PTPRM: variants seen among roughly 807,000 people sequenced by gnomAD.
The protein encoded by PTPRM is receptor-type tyrosine-protein phosphatase mu.
Under a neutral mutation model 186.7 loss-of-function variants are expected in PTPRM, and 47 were observed. The ratio of observed to expected loss-of-function variants is 0.25; its 90% CI spans 0.20 to 0.32. The LOEUF is 0.32. Ranked by LOEUF, PTPRM falls within the 10% of genes least tolerant of loss-of-function variation. The pLI is 1.00. For synonymous variants in PTPRM, 668 were observed against 674.9 expected (o/e 0.99, Z 0.16); for missense variants, 1,494 against 1,865.0 (o/e 0.80, Z 3.66).
At chr18:7,843,466 T>A (rs2046448364) in intron 2 of PTPRM, among the ~76,000 whole-genome samples, 1 of 152,212 alleles carries the variant, frequency 6.6e-6, no homozygotes, top group Admixed American at 6.5e-5. Context: ...GAAGGAATAT[T>A]TCTGTGCAGT....
chr18:8,200,374 T>TA lies in PTPRM; in HGVS notation c.2301-43683dup, dbSNP rs554494440. ...AACCAGGGTGGGGGCACGACCCTGC[T>TA]AGATTAGCCTGAAGGTGGGGCAAAT... On this transcript the variant is annotated intron_variant, in intron 14 of 32. Transcript: ENST00000580170. Among the ~76,000 whole-genome samples the TA allele has an allele frequency of 4.4e-3, 666 of 152,288 alleles. 4 individuals are homozygous for TA. The highest frequency in any genetic ancestry group is 0.015 in the African/African-American group (637 of 41,566).
At chr18:8,138,990 TC>T (rs1425653076) in intron 13 of PTPRM, among the ~76,000 whole-genome samples, 1 of 152,146 alleles carries the variant, frequency 6.6e-6, no homozygotes, top group Non-Finnish European at 1.5e-5. Flanking sequence ...CTTGTTCACT[TC>T]CTAAGTGTCC....
intron 7 of PTPRM, among the ~76,000 whole-genome samples, chr18:7,999,396 A>G (rs1185534453): frequency 1.3e-5 from 2 of 152,096 alleles, no homozygotes; most frequent in African/African-American, 4.8e-5. Flanking sequence ...AGTATTTACC[A>G]TAAGAGTCAA....
At chr18:7,749,164 A>C (rs2041089878) in intron 1 of PTPRM, 1 of 152,242 alleles carries the variant, frequency 6.6e-6, no homozygotes. Context: ...GGGGCACTGC[A>C]GGAACAGGCC....
At chr18:8,381,723 A>G (rs889962717) in intron 29 of PTPRM, among the ~76,000 whole-genome samples, 2 of 152,170 alleles carry the variant, frequency 1.3e-5, no homozygotes, top group African/African-American at 4.8e-5. Flanking sequence ...ACCCAACTCA[A>G]AATAGAACCA....
intron 5 of PTPRM, among the ~76,000 whole-genome samples, chr18:7,932,394 G>A (rs2051543109): frequency 6.6e-6 from 1 of 152,074 alleles, no homozygotes; most frequent in Non-Finnish European, 1.5e-5. Flanking sequence ...TTTTATTGAC[G>A]AGAAAACAGA....
chr18:7,578,134 G>GGAT (rs1180155047), intron 1 of PTPRM, among the ~76,000 whole-genome samples: 2 of 151,874 alleles, frequency 1.3e-5, no homozygotes, highest in South Asian at 4.1e-4. Flanking sequence ...ATACCCTGCA[G>GGAT]GATGATGATG....
rs762305091 is a variant in PTPRM, at chr18:8,247,844, G to A, written c.2453-1G>A. 2 of 1,591,166 alleles carry A rather than the reference G, an allele frequency of 1.3e-6. No individual in the cohort carries two copies. Among genetic ancestry groups the A allele is most frequent in the Admixed American group, 3.3e-5 (2 of 59,980 alleles). On this transcript the variant is annotated splice_acceptor_variant, in intron 15 of 32. Coordinates refer to ENST00000580170, the MANE Select transcript of PTPRM (RefSeq NM_001105244.2). LOFTEE classifies it high-confidence loss of function. Reference sequence around the variant, plus strand: ...CTGACCAGCCTCTCTTTTATTTACAGCTGTGTCTTCACCATCGTCCTTCAC... The same window carrying A: ...CTGACCAGCCTCTCTTTTATTTACAACTGTGTCTTCACCATCGTCCTTCAC...
At chr18:8,117,257 G>T (rs1168096464) in intron 13 of PTPRM, among the ~76,000 whole-genome samples, 3 of 152,186 alleles carry the variant, frequency 2.0e-5, no homozygotes, top group African/African-American at 7.2e-5. Context: ...TTAAAATGTA[G>T]AAGAGTTCAA....
intron 1 of PTPRM, among the ~76,000 whole-genome samples, chr18:7,764,891 ACT>A (rs2041947164): frequency 6.6e-6 from 1 of 151,952 alleles, no homozygotes; most frequent in Admixed American, 6.6e-5. Flanking sequence ...TATTTTTTAC[ACT>A]CTCTCTCGTT....
chr18:8,303,446 C>T (rs2095183778), intron 20 of PTPRM, among the ~76,000 whole-genome samples: 1 of 152,202 alleles, frequency 6.6e-6, no homozygotes, highest in African/African-American at 2.4e-5. Context: ...CAGTGTGCTT[C>T]TCTCTGCTAA....
chr18:7,937,776 ATTG>A (rs1186573496), intron 5 of PTPRM, among the ~76,000 whole-genome samples: 3 of 152,104 alleles, frequency 2.0e-5, no homozygotes, highest in African/African-American at 7.2e-5. Flanking sequence ...AGTTATAATT[ATTG>A]TTGTCATCAT....
At chr18:7,629,522 G>A (rs1255170971) in intron 1 of PTPRM, among the ~76,000 whole-genome samples, 1 of 152,062 alleles carries the variant, frequency 6.6e-6, no homozygotes, top group Non-Finnish European at 1.5e-5. Context: ...GGGTATAACA[G>A]AGGTCACAAA....
intron 1 of PTPRM, among the ~76,000 whole-genome samples, chr18:7,694,014 G>T (rs751201817): frequency 6.6e-6 from 1 of 152,206 alleles, no homozygotes; most frequent in African/African-American, 2.4e-5. Flanking sequence ...TCAGTAGGCC[G>T]TGGGGTGTCA....
chr18:7,633,073 T>C (rs1356834328), intron 1 of PTPRM, among the ~76,000 whole-genome samples: 1 of 152,198 alleles, frequency 6.6e-6, no homozygotes, highest in Non-Finnish European at 1.5e-5. Context: ...AACAATTCTC[T>C]GAAAGCAGGA....
At chr18:8,087,649 A>G (rs1350959552) in intron 10 of PTPRM, among the ~76,000 whole-genome samples, 1 of 152,148 alleles carries the variant, frequency 6.6e-6, no homozygotes, top group Non-Finnish European at 1.5e-5. Flanking sequence ...AAGAGAGGGA[A>G]CCACTCTTGT....
intron 14 of PTPRM, among the ~76,000 whole-genome samples, chr18:8,191,229 A>G (rs2093705289): frequency 6.6e-6 from 1 of 152,220 alleles, no homozygotes; most frequent in African/African-American, 2.4e-5. Flanking sequence ...AGCCTTGGTA[A>G]TGTGCCCTGC....
At chr18:7,969,644 GAAATACAAACT>G (rs1287825653) in intron 7 of PTPRM, among the ~76,000 whole-genome samples, 60 of 118,546 alleles carry the variant, frequency 5.1e-4, no homozygotes, top group African/African-American at 2.1e-3. Flanking sequence ...CAATCCCACA[GAAATACAAACT>G]ACCATCAGAG....
chr18:8,151,827 A>G (rs914855578), intron 14 of PTPRM, among the ~76,000 whole-genome samples: 2 of 151,900 alleles, frequency 1.3e-5, no homozygotes, highest in African/African-American at 2.4e-5. Context: ...GGTTGTGAAG[A>G]CCATGGGAAA....
Sources: gnomAD v4.1 joint callset for allele counts (sites outside exome capture counted in the v4.1 genomes callset) on GRCh38, gnomAD v4.1.1 for gene constraint, MANE v1.5 for transcripts, NCBI Gene and HGNC (gene_info 2026-07-23, HGNC 2026-07-21) for gene names.